Variants in FSIP1 observed in about 807,000 individuals in gnomAD.
The protein encoded by FSIP1 is fibrous sheath interacting protein 1, also known as fibrous sheath-interacting protein 1.
Under a neutral mutation model 60.9 loss-of-function variants are expected in FSIP1, and 65 were observed. The ratio of observed to expected loss-of-function variants is 1.07; its 90% CI spans 0.87 to 1.31. The LOEUF (loss-of-function observed/expected upper bound fraction) is 1.31. FSIP1 is among the 40% of genes most tolerant of loss of function. The pLI, the probability that FSIP1 is intolerant of heterozygous loss-of-function variation, is 0.00. For synonymous variants in FSIP1, 209 were observed against 221.2 expected (o/e 0.94, Z 0.49); for missense variants, 675 against 665.5 (o/e 1.01, Z -0.16).
intron 10 of FSIP1, among the ~76,000 whole-genome samples, chr15:39,663,123 T>G (rs1031207833): frequency 1.3e-5 from 2 of 152,220 alleles, no homozygotes; most frequent in Admixed American, 1.3e-4. Flanking sequence ...GGTCTATTGT[T>G]GTTTATTATT....
chr15:39,618,643 G>A (rs1891330886), intron 10 of FSIP1, among the ~76,000 whole-genome samples: 1 of 152,246 alleles, frequency 6.6e-6, no homozygotes, highest in Non-Finnish European at 1.5e-5. Context: ...TGTCGTTGCT[G>A]CAAAGCTACA....
At chr15:39,754,564 A>G (rs188126828) in intron 5 of FSIP1, among the ~76,000 whole-genome samples, 62 of 152,192 alleles carry the variant, frequency 4.1e-4, no homozygotes, top group African/African-American at 1.5e-3. Context: ...CAGGTCAGAT[A>G]CAGATAGGGC....
Position 39,741,899 on chromosome 15 carries a change from A to G in FSIP1, c.561T>C (p.Gly187=). The G allele has an allele frequency of 6.5e-7, 1 of 1,546,264 alleles. No individual in the cohort carries two copies. The highest frequency in any genetic ancestry group is 8.9e-7 in the Non-Finnish European group (1 of 1,119,450). ...AGGTGTCTTCCTCCTCATGAGAAGG[A>G]CCTGTTGATTTAAAAAATCACTTGT... The part of the protein sequence containing the change: ...SLTAVSEETV[G]PSHEEEDTFS... The change falls in exon 6 of 12, where the codon GGT becomes GGC. Residue 187 remains glycine (G), a splice_region_variant and synonymous_variant. Transcript: ENST00000350221.
At chr15:39,612,350 G>C (rs1891066537) in intron 11 of FSIP1, among the ~76,000 whole-genome samples, 1 of 151,930 alleles carries the variant, frequency 6.6e-6, no homozygotes, top group Non-Finnish European at 1.5e-5. Flanking sequence ...AAGAAATCTT[G>C]GTGAATTCAC....
intron 2 of FSIP1, among the ~76,000 whole-genome samples, chr15:39,772,206 T>C (rs1897912022): frequency 6.6e-6 from 1 of 152,188 alleles, no homozygotes; most frequent in African/African-American, 2.4e-5. Context: ...GGCCTCTCTA[T>C]TCCTAACCCC....
rs562978334 is a variant in FSIP1, at chr15:39,642,915, T to C, written c.1189-24670A>G. Among the ~76,000 whole-genome samples, 24 of 152,352 alleles carry C rather than the reference T, an allele frequency of 1.6e-4. No individual in the cohort carries two copies. In the East Asian group the frequency reaches 4.4e-3, roughly 28 times the overall value. On this transcript the variant is annotated intron_variant, in intron 10 of 11. Coordinates refer to ENST00000350221, the MANE Select transcript of FSIP1 (RefSeq NM_152597.5). ...TAAAACAATGTTGTACTATAATTTT[T>C]TCCCAGGAGTTTTAGAGAGAAAATA... is the stretch of plus-strand genomic sequence containing the variant.
intron 11 of FSIP1, among the ~76,000 whole-genome samples, chr15:39,604,178 G>A (rs552523804): frequency 4.6e-5 from 7 of 152,318 alleles, no homozygotes; most frequent in East Asian, 3.9e-4. Flanking sequence ...TGATCTGCCC[G>A]CCTGGGCCTC....
chr15:39,732,030 G>T (rs1896423799), intron 8 of FSIP1, among the ~76,000 whole-genome samples: 1 of 152,188 alleles, frequency 6.6e-6, no homozygotes, highest in Non-Finnish European at 1.5e-5. Flanking sequence ...GGGGGGAATG[G>T]GGTTAGAAAG....
chr15:39,617,843 T>G lies in FSIP1; in HGVS notation c.1591A>C (p.Arg531=). Residue 531 remains arginine (R), a synonymous_variant, in exon 11 of 12, where the codon AGA becomes CGA. Transcript: ENST00000350221. ...YFMSKTLGIG[R]LKRPSFLDDP... Reference sequence around the variant, plus strand: ...TCTAAGAAGGAGGGCCTTTTCAGTCTCCCAATGCCAAGAGTCTTCGACATA... The same window carrying G: ...TCTAAGAAGGAGGGCCTTTTCAGTCGCCCAATGCCAAGAGTCTTCGACATA... 1.9e-6 allele frequency: 3 copies of G among 1,614,136 alleles called. No individual in the cohort carries two copies. Among genetic ancestry groups the G allele is most frequent in the Non-Finnish European group, 2.5e-6 (3 of 1,180,020 alleles).
At chr15:39,752,800 C>T (rs541489895) in intron 5 of FSIP1, among the ~76,000 whole-genome samples, 1 of 151,992 alleles carries the variant, frequency 6.6e-6, no homozygotes, top group Non-Finnish European at 1.5e-5. Context: ...AATATTGGTT[C>T]ACTAGTTGAA....
intron 11 of FSIP1, among the ~76,000 whole-genome samples, chr15:39,605,748 C>T (rs560474822): frequency 7.2e-5 from 11 of 152,332 alleles, no homozygotes; most frequent in African/African-American, 2.6e-4. Context: ...ATGGAAAAAT[C>T]TCCTGACAAT....
rs114263856 is a variant in FSIP1, at chr15:39,609,626, C to T, written c.1699+8109G>A. Among the ~76,000 whole-genome samples, 713 of 152,344 alleles carry T rather than the reference C, an allele frequency of 4.7e-3. 10 individuals are homozygous for T. The highest frequency in any genetic ancestry group is 0.016 in the African/African-American group (669 of 41,592). On this transcript the variant is annotated intron_variant, in intron 11 of 11. Coordinates refer to ENST00000350221, the MANE Select transcript of FSIP1 (RefSeq NM_152597.5). ...TCCATGTGTTTCTCTAGACGATAGC[C>T]TGGCCCATCCTGAATGGCTGAGCAC... is the stretch of plus-strand genomic sequence containing the variant.
intron 2 of FSIP1, among the ~76,000 whole-genome samples, chr15:39,775,209 G>T: frequency 6.6e-6 from 1 of 152,002 alleles, no homozygotes; most frequent in South Asian, 2.1e-4. Context: ...TAGACTCAGG[G>T]TCTCACAATG....
chr15:39,720,094 C>T (rs1895895299), intron 9 of FSIP1, among the ~76,000 whole-genome samples: 1 of 152,182 alleles, frequency 6.6e-6, no homozygotes, highest in Non-Finnish European at 1.5e-5. Flanking sequence ...CACCTAAGTA[C>T]ATTTGGGGTC....
At chr15:39,597,629 G>A (rs746531366), downstream of FSIP1, 11 of 152,170 alleles carry the variant, frequency 7.2e-5, no homozygotes, top group East Asian at 9.6e-4. Flanking sequence ...AGTTGCTCAG[G>A]CCTAGGCTTA....
rs1430765871 is a variant in FSIP1, at chr15:39,761,222, C to CAT, written c.559+2597_559+2598dup. Reference sequence around the variant, plus strand: ...ATGATCCAGAAATCCCACCTCTGGGCATTTACCCAAAAGCTTTGGAATTCG... The same window carrying CAT: ...ATGATCCAGAAATCCCACCTCTGGGCATATTTACCCAAAAGCTTTGGAATTCG... On this transcript the variant is annotated intron_variant, in intron 5 of 11. Coordinates refer to ENST00000350221, the MANE Select transcript of FSIP1 (RefSeq NM_152597.5). Among the ~76,000 whole-genome samples, 7 of 152,240 alleles carry CAT rather than the reference C, an allele frequency of 4.6e-5. No homozygotes were observed. In the East Asian group the frequency reaches 1.4e-3, roughly 29 times the overall value.
At chr15:39,701,271 A>C (rs1895047668) in intron 10 of FSIP1, among the ~76,000 whole-genome samples, 1 of 152,250 alleles carries the variant, frequency 6.6e-6, no homozygotes, top group Admixed American at 6.5e-5. Flanking sequence ...TCTAAGGAAC[A>C]AAGAGCAGAA....
chr15:39,613,360 T>C (rs1891104021), intron 11 of FSIP1, among the ~76,000 whole-genome samples: 1 of 152,146 alleles, frequency 6.6e-6, no homozygotes, highest in Non-Finnish European at 1.5e-5. Context: ...ATAACCTAGA[T>C]GTGAACAGAT....
intron 10 of FSIP1, among the ~76,000 whole-genome samples, chr15:39,643,939 C>T (rs1892479228): frequency 6.6e-6 from 1 of 152,114 alleles, no homozygotes; most frequent in Admixed American, 6.5e-5. Context: ...GGAAGTGTGC[C>T]AACCATAAAT....
Sources: allele counts gnomAD v4.1 joint callset (sites outside exome capture counted in the v4.1 genomes callset), GRCh38; gene constraint gnomAD v4.1.1; transcripts MANE v1.5; gene names NCBI Gene and HGNC (gene_info 2026-07-23, HGNC 2026-07-21).